PRKD2: variants seen among roughly 807,000 people sequenced by gnomAD.
The protein encoded by PRKD2 is serine/threonine-protein kinase D2.
PRKD2 carries 22 observed loss-of-function variants against 86.0 expected under a neutral mutation model. That is an observed-to-expected ratio of 0.26 (90% CI 0.18 to 0.37). PRKD2 has a LOEUF of 0.37. Among genes scored for constraint, PRKD2 ranks in the 10% least tolerant of loss-of-function variants. The pLI is 1.00. For synonymous variants in PRKD2, 509 were observed against 510.9 expected (o/e 1.00, Z 0.05); for missense variants, 818 against 1,199.2 (o/e 0.68, Z 4.70).
At chr19:46,710,651 T>G (rs1339995630) in intron 3 of PRKD2, 2 of 475,498 alleles carry the variant, frequency 4.2e-6, no homozygotes, top group Non-Finnish European at 3.8e-6. Context: ...GGCTCTGTTC[T>G]TAAGCCCCTA....
intron 16 of PRKD2, among the ~76,000 whole-genome samples, chr19:46,677,703 A>G (rs1015389358): frequency 3.9e-5 from 6 of 151,986 alleles, no homozygotes; most frequent in African/African-American, 1.5e-4. Context: ...CACAACACCA[A>G]AGCCCCAGAA....
chr19:46,682,058 G>T (rs2053316062), intron 14 of PRKD2, among the ~76,000 whole-genome samples: 1 of 151,212 alleles, frequency 6.6e-6, no homozygotes, highest in African/African-American at 2.4e-5. Context: ...CTGGGCTGGA[G>T]TGCAGTGGCA....
chr19:46,691,989 G>A lies in PRKD2; in HGVS notation c.1577-4C>T, dbSNP rs1449291290. The A allele has an allele frequency of 6.2e-7, 1 of 1,613,286 alleles. No individual in the cohort carries two copies. The highest frequency in any genetic ancestry group is 1.3e-5 in the African/African-American group (1 of 74,898). On this transcript the variant is annotated splice_polypyrimidine_tract_variant and splice_region_variant and intron_variant, in intron 10 of 17. Coordinates refer to ENST00000291281, the MANE Select transcript of PRKD2 (RefSeq NM_016457.5). ...GAGATGCTCAGAGAAGCTTGTCCTA[G>A]GGAGAGGGGAGAGACAGAGGTGAGG... is the stretch of plus-strand genomic sequence containing the variant.
rs1177354299 is a variant in PRKD2, at chr19:46,693,833, T to C, written c.1576+42A>G. ...ATTCCCCAGAACCGTGCCCCACCCA[T>C]CTAGATCTATTCTCTCAAGGACCCG... On this transcript the variant is annotated intron_variant, in intron 10 of 17. Transcript: ENST00000291281. This position sits in a 1 kb window ranked among gnomAD's most constrained non-coding sequence, Gnocchi z 4.5. The C allele has an allele frequency of 6.4e-7, 1 of 1,552,134 alleles. No homozygotes were observed. The highest frequency in any genetic ancestry group is 1.8e-5 in the Admixed American group (1 of 55,978).
intron 3 of PRKD2, chr19:46,710,683 T>A: frequency 2.1e-4 from 85 of 396,848 alleles, no homozygotes; most frequent in Admixed American, 2.8e-4. Context: ...CAGCTCCACC[T>A]CCTAGGCTCC....
chr19:46,674,435 A>T lies in PRKD2; in HGVS notation c.*88T>A. On this transcript the variant is annotated 3_prime_UTR_variant, in exon 18 of 18. Transcript: ENST00000291281. ...CCCACGTGTCCCATCCAGTTTGGGC[A>T]GGAAGCCACTTTCCCTAGAACAGTT... 1 of 1,410,358 alleles carries T rather than the reference A, an allele frequency of 7.1e-7. No homozygotes were observed. The highest frequency in any genetic ancestry group is 9.5e-7 in the Non-Finnish European group (1 of 1,050,728). The allele number at this position is 1,410,358 out of a possible 1,614,324, so 87.4% of individuals were successfully genotyped here. A position where few individuals can be genotyped will look rare whatever the true frequency, so the allele number is the denominator to read the frequency against.
rs1197811373 is a variant in PRKD2, at chr19:46,690,633, C to G, written c.1776G>C (p.Glu592Asp). ...TGGCCACTTCATTCCGGAGCTGGCTCTCCTGCTTGGTAGGGAAGCGCAGTT... is the reference window on the plus strand; with the variant it reads ...TGGCCACTTCATTCCGGAGCTGGCTGTCCTGCTTGGTAGGGAAGCGCAGTT... ...IDKLRFPTKQ[E>D]SQLRNEVAIL... Residue 592 changes from glutamate to aspartate, a missense_variant, in exon 13 of 18, where the codon GAG (glutamate) becomes GAC (aspartate). By Grantham distance (45) the Glu-to-Asp change is conservative. This residue lies in a region of PRKD2 where 154 missense variants were observed against 359.6 expected (regional missense o/e 0.43). Transcript: ENST00000291281. 3 of 1,614,206 alleles carry G rather than the reference C, an allele frequency of 1.9e-6. No individual in the cohort carries two copies. The highest frequency in any genetic ancestry group is 2.5e-6 in the Non-Finnish European group (3 of 1,180,036).
rs767250424 is a variant in PRKD2, at chr19:46,678,454, C to T, written c.2280G>A (p.Gln760=). 1.9e-6 allele frequency: 3 copies of T among 1,614,202 alleles called. No individual in the cohort carries two copies. The Admixed American group carries it at 5.0e-5, about 27-fold the overall frequency. Residue 760 remains glutamine, a synonymous_variant, in exon 16 of 18, where the codon CAG becomes CAA. Transcript: ENST00000291281. This position sits in a 1 kb window ranked among gnomAD's most constrained non-coding sequence, Gnocchi z 5.7. ...GGTACATGAAGGCGGCGTTCTGGAT[C>T]TGGTCATTGATGTCCTCATCCTCGT... ...PFNEDEDIND[Q]IQNAAFMYPA... is the part of the protein sequence containing the mutation.
In PRKD2 at chr19:46,708,971, GGTTTTTTTTTT is replaced by G. The variant is rs71298771; in HGVS notation, c.511+1925_511+1935del. On this transcript the variant is annotated intron_variant, in intron 3 of 17. Coordinates refer to ENST00000291281, the MANE Select transcript of PRKD2 (RefSeq NM_016457.5). ...TTGCCATGAAGGTTGGTTTGTTTGT[GGTTTTTTTTTT>G]TTTTTTTTTTTTTGAGACGGAGTCT... Among the ~76,000 whole-genome samples, 6 of 80,296 alleles carry G rather than the reference GGTTTTTTTTTT, an allele frequency of 7.5e-5. No individual in the cohort carries two copies. The South Asian group carries it at 1.3e-3, about 18-fold the overall frequency. The allele number at this position is 80,296 out of a possible 152,430, so 52.7% of individuals were successfully genotyped here. A position where few individuals can be genotyped will look rare whatever the true frequency, so the allele number is the denominator to read the frequency against.
Position 46,681,675 on chromosome 19 carries a change from A to G in PRKD2, c.2045T>C (p.Leu682Pro). 1 of 1,602,550 alleles carries G rather than the reference A, an allele frequency of 6.2e-7. No homozygotes were observed. Among genetic ancestry groups the G allele is most frequent in the Admixed American group, 1.7e-5 (1 of 58,430 alleles). ...CTGAGGAAATGGGTCTGCTGATGCC[A>G]GCAACACGTTTTCTGGTTTCAAGTC... The part of the protein sequence containing the change: ...HCDLKPENVL[L>P]ASADPFPQVK... Residue 682 changes from leucine to proline, a missense_variant, in exon 15 of 18, where the codon CTG (leucine) becomes CCG (proline). Transcript: ENST00000291281.
Position 46,703,173 on chromosome 19 carries a change from G to A in PRKD2, c.889+996C>T, listed in dbSNP as rs184221412. ...CATGCTCTGAGAGTCTATAACTTGG[G>A]AGATCTAAGATGTGTAATCTAAAGT... On this transcript the variant is annotated intron_variant, in intron 5 of 17. Coordinates refer to ENST00000291281, the MANE Select transcript of PRKD2 (RefSeq NM_016457.5). Among the ~76,000 whole-genome samples, 18 of 152,276 alleles carry A rather than the reference G, an allele frequency of 1.2e-4. No individual in the cohort carries two copies. The East Asian group carries it at 3.1e-3, about 26-fold the overall frequency.
chr19:46,704,591 C>T lies in PRKD2; in HGVS notation c.570G>A (p.Gly190=), dbSNP rs1317153923. ...CAFSIPNNCS[G]ARKRRLSSTS... ...TGGATGACAGGCGCCGTTTGCGGGC[C>T]CCACTACAGTTGTTGGGGATGCTGA... is the stretch of plus-strand genomic sequence containing the variant. Residue 190 remains glycine, a synonymous_variant, in exon 4 of 18, where the codon GGG becomes GGA. Transcript: ENST00000291281. 1 of 1,613,874 alleles carries T rather than the reference C, an allele frequency of 6.2e-7. No homozygotes were observed. The highest frequency in any genetic ancestry group is 8.5e-7 in the Non-Finnish European group (1 of 1,179,964).
Position 46,697,790 on chromosome 19 carries a change from T to C in PRKD2, c.1182A>G (p.Lys394=), listed in dbSNP as rs532479240. The C allele has an allele frequency of 6.2e-7, 1 of 1,614,060 alleles. No homozygotes were observed. The highest frequency in any genetic ancestry group is 1.1e-5 in the South Asian group (1 of 91,088). ...VVQSVRHTTR[K]SSTTLREGWV... ...AACCCTCCCGCAGCGTGGTGCTGGA[T>C]TTCCGCGTCGTGTGTCGCACCGATT... Residue 394 remains lysine (K), a synonymous_variant, in exon 8 of 18, where the codon AAA becomes AAG. Coordinates refer to ENST00000291281, the MANE Select transcript of PRKD2 (RefSeq NM_016457.5).
chr19:46,693,187 C>T lies in PRKD2; in HGVS notation c.1576+688G>A, dbSNP rs1330279110. On this transcript the variant is annotated intron_variant, in intron 10 of 17. Coordinates refer to ENST00000291281, the MANE Select transcript of PRKD2 (RefSeq NM_016457.5). This position sits in a 1 kb window ranked among gnomAD's most constrained non-coding sequence, Gnocchi z 4.5. ...TCCTCTAGCTCCCTAGCTTCCTTGT[C>T]CCAACCCTGCCCACCCTGGACTGTC... is the stretch of plus-strand genomic sequence containing the variant. Among the ~76,000 whole-genome samples, 1 of 152,052 alleles carries T rather than the reference C, an allele frequency of 6.6e-6. No homozygotes were observed. Among genetic ancestry groups the T allele is most frequent in the African/African-American group, 2.4e-5 (1 of 41,418 alleles).
At position 46,713,848 on chromosome 19, in the gene PRKD2, G is replaced by GC. The variant is rs2053844041; in HGVS notation, c.379+14dup. The GC allele has an allele frequency of 6.6e-7, 1 of 1,516,120 alleles. No individual in the cohort carries two copies. The highest frequency in any genetic ancestry group is 2.4e-5 in the East Asian group (1 of 41,530). The allele number at this position is 1,516,120 out of a possible 1,614,324, so 93.9% of individuals were successfully genotyped here. Reference sequence around the variant, plus strand: ...CACCCGAGGCCCCGCCCCCAGGCCGGCCACCACCTCTCACCCGACAGCACC... The same window carrying GC: ...CACCCGAGGCCCCGCCCCCAGGCCGGCCCACCACCTCTCACCCGACAGCACC... On this transcript the variant is annotated intron_variant, in intron 2 of 17. Coordinates refer to ENST00000291281, the MANE Select transcript of PRKD2 (RefSeq NM_016457.5).
intron 14 of PRKD2, among the ~76,000 whole-genome samples, chr19:46,682,795 C>G (rs1341293701): frequency 6.6e-6 from 1 of 151,024 alleles, no homozygotes; most frequent in African/African-American, 2.4e-5. Flanking sequence ...ACCTCGACCT[C>G]CCAGGCTAAA....
In PRKD2 at chr19:46,678,940, T is replaced by C. The variant is rs901009756; in HGVS notation, c.2071-277A>G. Among the ~76,000 whole-genome samples, 2 of 152,158 alleles carry C rather than the reference T, an allele frequency of 1.3e-5. No individual in the cohort carries two copies. The highest frequency in any genetic ancestry group is 2.4e-5 in the African/African-American group (1 of 41,448). On this transcript the variant is annotated intron_variant, in intron 15 of 17. Coordinates refer to ENST00000291281, the MANE Select transcript of PRKD2 (RefSeq NM_016457.5). This position sits in a 1 kb window ranked among gnomAD's most constrained non-coding sequence, Gnocchi z 5.7. The stretch of plus-strand genomic sequence containing the variant: ...CCATCCAAAGCCCACAGGACAATAT[T>C]TGGCATTCAGTTGGTGCACAATAAA...
chr19:46,680,511 A>G (rs1379824474), intron 15 of PRKD2, among the ~76,000 whole-genome samples: 1 of 151,862 alleles, frequency 6.6e-6, no homozygotes, highest in Non-Finnish European at 1.5e-5. Flanking sequence ...CTGGTATCCA[A>G]CTCCAGACCT....
intron 8 of PRKD2, chr19:46,697,486 C>G: frequency 1.7e-6 from 1 of 578,410 alleles, no homozygotes; most frequent in Non-Finnish European, 3.1e-6. Context: ...CAGCCAAGCT[C>G]CTCCCCTAAC....
Sources: allele counts gnomAD v4.1 joint callset (sites outside exome capture counted in the v4.1 genomes callset), GRCh38; gene constraint gnomAD v4.1.1; regional missense constraint gnomAD v4.1.1; non-coding constraint Gnocchi (gnomAD v3.1); transcripts MANE v1.5; gene names NCBI Gene and HGNC (gene_info 2026-07-23, HGNC 2026-07-21).